SPTLC2: variants seen among roughly 807,000 people sequenced by gnomAD.
SPTLC2 encodes serine palmitoyltransferase long chain base subunit 2, also known as serine palmitoyltransferase 2.
SPTLC2 carries 21 observed loss-of-function variants against 62.0 expected under a neutral mutation model. The observed-to-expected ratio is 0.34, with a 90% CI of 0.24 to 0.49. The LOEUF (loss-of-function observed/expected upper bound fraction) is 0.49, where lower values mean the gene tolerates loss of function less well. Ranked by LOEUF, SPTLC2 falls within the 20% of genes least tolerant of loss-of-function variation. The probability of loss-of-function intolerance (pLI) is 0.99; values close to 1 mark genes in which losing one functional copy is unlikely to be tolerated. For missense variants in SPTLC2, 511 were observed against 713.0 expected, an observed-to-expected ratio of 0.72 and a Z score of 3.23; for synonymous variants, 261 against 261.8, an observed-to-expected ratio of 1.00 and a Z score of 0.03.
intron 5 of SPTLC2, among the ~76,000 whole-genome samples, chr14:77,569,705 T>C (rs1435920407): frequency 6.7e-6 from 1 of 148,716 alleles, no homozygotes; most frequent in Non-Finnish European, 1.5e-5. Flanking sequence ...TGAAATATAA[T>C]TTACATTTAC....
chr14:77,585,639 G>A (rs1162304997), intron 2 of SPTLC2, among the ~76,000 whole-genome samples: 2 of 152,110 alleles, frequency 1.3e-5, no homozygotes, highest in East Asian at 3.9e-4. Flanking sequence ...CTTGACCTAT[G>A]CATCCAGTGC....
At chr14:77,560,965 G>A (rs908579474) in intron 6 of SPTLC2, among the ~76,000 whole-genome samples, 6 of 150,082 alleles carry the variant, frequency 4.0e-5, no homozygotes, top group Non-Finnish European at 5.9e-5. Context: ...ACAAACCCCC[G>A]AGACATGCAA....
chr14:77,588,725 G>T (rs1446608643), intron 2 of SPTLC2, among the ~76,000 whole-genome samples: 2 of 150,336 alleles, frequency 1.3e-5, no homozygotes, highest in Non-Finnish European at 2.9e-5. Context: ...TCTGGCCCAG[G>T]CACAGTGGCT....
intron 4 of SPTLC2, among the ~76,000 whole-genome samples, chr14:77,575,449 G>A (rs529490646): frequency 2.6e-5 from 4 of 152,292 alleles, no homozygotes; most frequent in East Asian, 3.9e-4. Flanking sequence ...CCTTAGCGAC[G>A]CTTTGGCCAA....
intron 1 of SPTLC2, among the ~76,000 whole-genome samples, chr14:77,615,164 A>G (rs945625967): frequency 6.6e-6 from 1 of 152,172 alleles, no homozygotes; most frequent in Non-Finnish European, 1.5e-5. Context: ...GACTGTTATC[A>G]CTTCCTCCCT....
intron 8 of SPTLC2, chr14:77,554,870 C>A: frequency 4.2e-6 from 1 of 238,012 alleles, no homozygotes; most frequent in South Asian, 5.9e-5. Flanking sequence ...ACAGCTGGCA[C>A]AACTTTTTTG....
At chr14:77,545,269 CTT>C (rs34363127) in intron 9 of SPTLC2, among the ~76,000 whole-genome samples, 4 of 146,586 alleles carry the variant, frequency 2.7e-5, no homozygotes, top group Admixed American at 6.8e-5. Context: ...GTATCGGGCA[CTT>C]TTTTTTTTTT....
At chr14:77,601,395 C>G (rs1182133455) in intron 1 of SPTLC2, among the ~76,000 whole-genome samples, 1 of 152,192 alleles carries the variant, frequency 6.6e-6, no homozygotes, top group Non-Finnish European at 1.5e-5. Context: ...CACCCGCTGC[C>G]TGCAAAACAT....
chr14:77,512,455 C>A, intron 11 of SPTLC2, 52 bp from the exon 12 acceptor site: 1 of 1,613,684 alleles, frequency 6.2e-7, no homozygotes, highest in African/African-American at 1.3e-5. Flanking sequence ...AGGATGCAGG[C>A]ATGCCTGGTG....
At chr14:77,532,159 G>A (rs552799515) in intron 9 of SPTLC2, among the ~76,000 whole-genome samples, 2 of 152,124 alleles carry the variant, frequency 1.3e-5, no homozygotes, top group Non-Finnish European at 2.9e-5. Flanking sequence ...GAAAAATACT[G>A]AAATTTTTGG....
chr14:77,557,878 C>CA (rs1005366995), intron 6 of SPTLC2, among the ~76,000 whole-genome samples: 4 of 152,020 alleles, frequency 2.6e-5, no homozygotes, highest in Non-Finnish European at 5.9e-5. Flanking sequence ...TAATGATGAT[C>CA]ATAATTTCCT....
chr14:77,603,599 A>C (rs1423057332), intron 1 of SPTLC2, among the ~76,000 whole-genome samples: 2 of 152,234 alleles, frequency 1.3e-5, no homozygotes, highest in Non-Finnish European at 2.9e-5. Context: ...TCGTGTAGGC[A>C]GCATAAATTC....
chr14:77,509,542 C>G lies in SPTLC2; in HGVS notation c.*2742G>C, dbSNP rs1185134851. ...GATCAGTTTTGGTAGTCATGGTTAA[C>G]CGGTATCTGTTTGAATCCTATCAGA... On this transcript the variant is annotated 3_prime_UTR_variant, in exon 12 of 12. Transcript: ENST00000216484. 4.6e-6 allele frequency: 1 copy of G among 217,328 alleles called. No homozygotes were observed. Among genetic ancestry groups the G allele is most frequent in the African/African-American group, 2.3e-5 (1 of 44,078 alleles). 13.5% of individuals were successfully genotyped at this position (217,328 alleles called of 1,614,324 possible).
In SPTLC2 at chr14:77,583,824, G is replaced by A. The variant is rs118182354; in HGVS notation, c.328-4715C>T. On this transcript the variant is annotated intron_variant, in intron 2 of 11. Coordinates refer to ENST00000216484, the MANE Select transcript of SPTLC2 (RefSeq NM_004863.4). ...AGTACTATAAAAGAGTGTTTGTCCA[G>A]AGAAGGAGCGAATACCTAACTGATA... Among the ~76,000 whole-genome samples the A allele has an allele frequency of 3.0e-4, 45 of 152,298 alleles. No homozygotes were observed. The East Asian group carries it at 8.5e-3, about 29-fold the overall frequency.
At chr14:77,613,478 A>G (rs570284737) in intron 1 of SPTLC2, among the ~76,000 whole-genome samples, 1 of 152,216 alleles carries the variant, frequency 6.6e-6, no homozygotes, top group South Asian at 2.1e-4. Flanking sequence ...GTCATCACTA[A>G]ACAGCAATGT....
intron 3 of SPTLC2, among the ~76,000 whole-genome samples, chr14:77,577,813 T>C (rs2079725108): frequency 6.6e-6 from 1 of 152,218 alleles, no homozygotes; most frequent in Admixed American, 6.5e-5. Flanking sequence ...GGCAGGAGAA[T>C]GGCGTGAACC....
At chr14:77,560,105 C>T (rs186564105) in intron 6 of SPTLC2, among the ~76,000 whole-genome samples, 5 of 152,080 alleles carry the variant, frequency 3.3e-5, no homozygotes, top group Admixed American at 3.3e-4. Context: ...ATATTATTTC[C>T]TCATTAGATT....
At chr14:77,578,876 C>T in intron 3 of SPTLC2, 79 bp downstream of exon 3, 1 of 1,499,064 alleles carries the variant, frequency 6.7e-7, no homozygotes. Context: ...AGAGAATACT[C>T]AATTTATAAT....
intron 2 of SPTLC2, among the ~76,000 whole-genome samples, chr14:77,592,373 G>C (rs1315930719): frequency 3.3e-5 from 5 of 152,012 alleles, no homozygotes; most frequent in Non-Finnish European, 1.5e-5. Context: ...GACCTCAGGT[G>C]ATCCACCCAC....
Sources: gnomAD v4.1 joint callset for allele counts (sites outside exome capture counted in the v4.1 genomes callset) on GRCh38, gnomAD v4.1.1 for gene constraint, MANE v1.5 for transcripts, NCBI Gene and HGNC (gene_info 2026-07-23, HGNC 2026-07-21) for gene names.